PCDHA12: variants seen among roughly 807,000 people sequenced by gnomAD.
PCDHA12 encodes protocadherin alpha-12.
A neutral mutation model predicts 60.0 loss-of-function variants in PCDHA12; 44 were observed. That is an observed-to-expected ratio of 0.73 (90% CI 0.58 to 0.94). The LOEUF (loss-of-function observed/expected upper bound fraction) is 0.94. PCDHA12 is among the 40% of genes least tolerant of loss of function. The pLI is 0.00. For synonymous variants in PCDHA12, 569 were observed against 553.0 expected (o/e 1.03, Z -0.40); for missense variants, 1,276 against 1,239.7 (o/e 1.03, Z -0.44).
chr5:140,883,207 G>T (rs781883209), intron 1 of PCDHA12: 12 of 1,613,794 alleles, frequency 7.4e-6, no homozygotes, highest in East Asian at 2.2e-5. Context: ...TCGAAGAAAA[G>T]AAATTATATG....
intron 1 of PCDHA12, among the ~76,000 whole-genome samples, chr5:140,878,873 T>A (rs1267188729): frequency 1.3e-5 from 2 of 152,248 alleles, no homozygotes; most frequent in African/African-American, 2.4e-5. Flanking sequence ...CATTTCAGCC[T>A]TTCAAGTAGC....
chr5:140,877,914 A>AT (rs2057394520), intron 1 of PCDHA12, 75 bp downstream of exon 1: 3 of 1,426,804 alleles, frequency 2.1e-6, no homozygotes, highest in Non-Finnish European at 2.8e-6. Flanking sequence ...ACATTCTCTC[A>AT]TTTTTCTTTA....
chr5:140,971,547 C>T (rs904044424), intron 1 of PCDHA12, among the ~76,000 whole-genome samples: 3 of 152,074 alleles, frequency 2.0e-5, no homozygotes, highest in Non-Finnish European at 4.4e-5. Flanking sequence ...GCCAGATCAA[C>T]CTGTTAAATT....
rs782480713 is a variant in PCDHA12, at chr5:140,877,758, G to T, written c.2286G>T (p.Glu762Asp). ...GGAGGCAGAGGGTGTGCTCTGCAGA[G>T]AGCCCGCCCAAGACGGACCTCATGG... Reference protein sequence around the residue: ...QQRRQRVCSAESPPKTDLMAF... With the variant: ...QQRRQRVCSADSPPKTDLMAF... Residue 762 changes from glutamate to aspartate, a missense_variant, in exon 1 of 4, where the codon GAG becomes GAT. Physicochemically the swap from Glu to Asp is conservative, Grantham distance 45. Transcript: ENST00000398631. 1 of 1,614,190 alleles carries T rather than the reference G, an allele frequency of 6.2e-7. No individual in the cohort carries two copies. The highest frequency in any genetic ancestry group is 2.2e-5 in the East Asian group (1 of 44,884).
At chr5:140,884,954 T>C (rs2060416589) in intron 1 of PCDHA12, among the ~76,000 whole-genome samples, 1 of 152,208 alleles carries the variant, frequency 6.6e-6, no homozygotes, top group Non-Finnish European at 1.5e-5. Context: ...TTACAAAAAA[T>C]TCCTCACGTT....
intron 1 of PCDHA12, chr5:140,968,681 A>G: frequency 1.9e-6 from 3 of 1,614,158 alleles, no homozygotes; most frequent in Non-Finnish European, 2.5e-6. Context: ...AGAGCTGCAC[A>G]CAGGAGAAAT....
At chr5:140,988,874 T>G (rs1407460154) in intron 3 of PCDHA12, 2 of 152,194 alleles carry the variant, frequency 1.3e-5, no homozygotes, top group Non-Finnish European at 1.5e-5. Flanking sequence ...CACTCAGATG[T>G]ACGATCCTGG....
intron 1 of PCDHA12, chr5:140,969,203 G>T (rs781962982): frequency 8.1e-6 from 13 of 1,614,178 alleles, no homozygotes; most frequent in Non-Finnish European, 1.1e-5. Flanking sequence ...CAATACAGGG[G>T]CCCAGACAGG....
chr5:141,008,359 G>A (rs1369587129), intron 3 of PCDHA12, among the ~76,000 whole-genome samples: 1 of 152,150 alleles, frequency 6.6e-6, no homozygotes, highest in Non-Finnish European at 1.5e-5. Flanking sequence ...GTCAACCAAA[G>A]GAGCAGTGTT....
At chr5:140,890,141 C>T (rs573390664) in intron 1 of PCDHA12, among the ~76,000 whole-genome samples, 6 of 152,182 alleles carry the variant, frequency 3.9e-5, no homozygotes, top group African/African-American at 1.4e-4. Context: ...TGAAATTGGC[C>T]ATGGTAGGAG....
intron 1 of PCDHA12, chr5:140,929,247 T>G (rs2085977234): frequency 1.9e-6 from 3 of 1,613,780 alleles, no homozygotes. Flanking sequence ...ATCTTGCCAC[T>G]GGGGTAGGAC....
At position 140,876,130 on chromosome 5, in the gene PCDHA12, C is replaced by T; in HGVS notation, c.658C>T (p.Pro220Ser). Residue 220 changes from proline to serine, a missense_variant, in exon 1 of 4, where the codon CCA becomes TCA. Pro to Ser is a moderately conservative substitution (Grantham distance 74). Transcript: ENST00000398631. ...LLLMVIDGGKPELTGSVQIQI... is the reference protein window; with the variant it reads ...LLLMVIDGGKSELTGSVQIQI... ...GCTGATGGTAATCGATGGCGGTAAA[C>T]CAGAACTAACAGGGTCTGTCCAGAT... is the stretch of plus-strand genomic sequence containing the variant. 1 of 1,613,938 alleles carries T rather than the reference C, an allele frequency of 6.2e-7. No individual in the cohort carries two copies. Among genetic ancestry groups the T allele is most frequent in the Non-Finnish European group, 8.5e-7 (1 of 1,179,900 alleles).
chr5:140,968,876 A>G (rs782240993), intron 1 of PCDHA12: 51 of 1,614,112 alleles, frequency 3.2e-5, no homozygotes, highest in Non-Finnish European at 4.1e-5. Context: ...ATACTCTGAA[A>G]TTACCCTTTA....
At chr5:140,942,434 T>C (rs2093297092) in intron 1 of PCDHA12, among the ~76,000 whole-genome samples, 1 of 151,244 alleles carries the variant, frequency 6.6e-6, no homozygotes, top group African/African-American at 2.4e-5. Flanking sequence ...TATCTAACAA[T>C]AAACAAGTAA....
chr5:140,914,944 CTT>C (rs35695909), intron 1 of PCDHA12, among the ~76,000 whole-genome samples: 2,964 of 128,208 alleles, frequency 0.023, 99 homozygotes, highest in African/African-American at 0.077. Flanking sequence ...GAAAAGTTGT[CTT>C]TTTTTTTTTT....
chr5:140,999,403 A>G (rs1325467300), intron 3 of PCDHA12, among the ~76,000 whole-genome samples: 7 of 152,176 alleles, frequency 4.6e-5, no homozygotes, highest in African/African-American at 1.7e-4. Context: ...TTTGCATATG[A>G]AAGAATGGGA....
At chr5:140,883,283 G>C (rs782514861) in intron 1 of PCDHA12, 2 of 1,613,916 alleles carry the variant, frequency 1.2e-6, no homozygotes, top group Admixed American at 1.7e-5. Context: ...CCTTTTGGTG[G>C]AAGTACTAGA....
At position 140,941,253 on chromosome 5, in the gene PCDHA12, TTC is replaced by T. The variant is rs371538795; in HGVS notation, c.2368-37692_2368-37691del. 4.9e-3 allele frequency among the ~76,000 whole-genome samples: 316 copies of T among 64,734 alleles called. 2 individuals carry two copies. The highest frequency in any genetic ancestry group is 6.9e-3 in the Admixed American group (39 of 5,692). 42.5% of individuals were successfully genotyped at this position (64,734 alleles called of 152,430 possible). On this transcript the variant is annotated intron_variant, in intron 1 of 3. Coordinates refer to ENST00000398631, the MANE Select transcript of PCDHA12 (RefSeq NM_018903.4). ...TTTCTTTCTTTCTTTCTTTCTTTCT[TTC>T]TCTTTCTTTCTTTCTTTCCTTCCTT...
intron 3 of PCDHA12, among the ~76,000 whole-genome samples, chr5:141,006,294 C>T (rs2098266534): frequency 6.6e-6 from 1 of 152,048 alleles, no homozygotes; most frequent in African/African-American, 2.4e-5. Flanking sequence ...TCACTGCAAG[C>T]TCCACTTCCC....
Sources: gnomAD v4.1 joint callset for allele counts (sites outside exome capture counted in the v4.1 genomes callset) on GRCh38, gnomAD v4.1.1 for gene constraint, MANE v1.5 for transcripts, NCBI Gene and HGNC (gene_info 2026-07-23, HGNC 2026-07-21) for gene names.